NXPH1: variants seen among roughly 807,000 people sequenced by gnomAD.
The protein encoded by NXPH1 is neurexophilin 1.
Under a neutral mutation model 23.7 loss-of-function variants are expected in NXPH1, and 5 were observed. That is an observed-to-expected ratio of 0.21 (90% CI 0.11 to 0.44). The LOEUF (loss-of-function observed/expected upper bound fraction) is 0.44. Ranked by LOEUF, NXPH1 falls within the 20% of genes least tolerant of loss-of-function variation. The pLI is 0.99. For missense variants in NXPH1, 324 were observed against 321.6 expected, an observed-to-expected ratio of 1.01 and a Z score of -0.06; for synonymous variants, 144 against 122.2, an observed-to-expected ratio of 1.18 and a Z score of -1.18.
intron 2 of NXPH1, among the ~76,000 whole-genome samples, chr7:8,730,680 C>T (rs529716443): frequency 1.4e-3 from 216 of 152,336 alleles, no homozygotes; most frequent in African/African-American, 4.6e-3. Context: ...CCACTCTCTT[C>T]TGGCTTGCGG....
At chr7:8,588,337 T>G (rs1387176549) in intron 2 of NXPH1, among the ~76,000 whole-genome samples, 1 of 152,110 alleles carries the variant, frequency 6.6e-6, no homozygotes, top group Non-Finnish European at 1.5e-5. Context: ...TAAATGACAC[T>G]ATGGATGCAA....
intron 2 of NXPH1, among the ~76,000 whole-genome samples, chr7:8,743,353 CA>C (rs1780402400): frequency 1.4e-5 from 2 of 143,236 alleles, no homozygotes; most frequent in African/African-American, 4.9e-5. Context: ...AAGAGATATA[CA>C]AATGTTTGGA....
intron 2 of NXPH1, among the ~76,000 whole-genome samples, chr7:8,583,216 G>A (rs1443315755): frequency 6.6e-6 from 1 of 152,182 alleles, no homozygotes; most frequent in Non-Finnish European, 1.5e-5. Flanking sequence ...TATCTATTAT[G>A]ACTTCCCAAA....
intron 2 of NXPH1, among the ~76,000 whole-genome samples, chr7:8,499,046 G>A (rs577109401): frequency 6.6e-5 from 10 of 152,202 alleles, no homozygotes; most frequent in African/African-American, 2.2e-4. Context: ...TCTACATAGT[G>A]TAAAGCCTCC....
chr7:8,502,750 C>T (rs1449538586), intron 2 of NXPH1, among the ~76,000 whole-genome samples: 1 of 151,376 alleles, frequency 6.6e-6, no homozygotes, highest in African/African-American at 2.4e-5. Flanking sequence ...AATCATGGCT[C>T]ACTAGATGGT....
At chr7:8,608,706 T>C (rs1015938757) in intron 2 of NXPH1, among the ~76,000 whole-genome samples, 1 of 152,044 alleles carries the variant, frequency 6.6e-6, no homozygotes, top group African/African-American at 2.4e-5. Context: ...TAACAGAAAC[T>C]ACCCCACCAA....
At chr7:8,717,894 GTATA>G (rs3059127) in intron 2 of NXPH1, among the ~76,000 whole-genome samples, 2 of 147,142 alleles carry the variant, frequency 1.4e-5, no homozygotes, top group African/African-American at 2.5e-5. Context: ...CTCTCTGTGT[GTATA>G]TATATATATA....
intron 2 of NXPH1, among the ~76,000 whole-genome samples, chr7:8,495,779 A>T (rs1273257690): frequency 6.6e-6 from 1 of 152,052 alleles, no homozygotes. Flanking sequence ...TGTGGGAGAA[A>T]GACTTAGAGG....
chr7:8,696,491 A>G (rs544882679), intron 2 of NXPH1, among the ~76,000 whole-genome samples: 2 of 152,314 alleles, frequency 1.3e-5, no homozygotes, highest in South Asian at 2.1e-4. Flanking sequence ...ATAAACATGG[A>G]CTTTTTCGGA....
chr7:8,671,011 T>G (rs113675017), intron 2 of NXPH1, among the ~76,000 whole-genome samples: 1 of 152,192 alleles, frequency 6.6e-6, no homozygotes, highest in Non-Finnish European at 1.5e-5. Flanking sequence ...CAAGAAATCA[T>G]TCAAAAATTG....
At chr7:8,561,930 A>G (rs1457867144) in intron 2 of NXPH1, among the ~76,000 whole-genome samples, 1 of 151,760 alleles carries the variant, frequency 6.6e-6, no homozygotes, top group Non-Finnish European at 1.5e-5. Flanking sequence ...TAACAACATG[A>G]TGTTTCGATA....
At chr7:8,537,535 A>G (rs1182316387) in intron 2 of NXPH1, among the ~76,000 whole-genome samples, 1 of 151,884 alleles carries the variant, frequency 6.6e-6, no homozygotes, top group Non-Finnish European at 1.5e-5. Flanking sequence ...TATCATCAGA[A>G]CAGCATGGAG....
chr7:8,736,378 T>C (rs6463837), intron 2 of NXPH1, among the ~76,000 whole-genome samples: 79,779 of 152,036 alleles, frequency 0.52, 23,410 homozygotes, highest in African/African-American at 0.8. Context: ...GCCTTCATTT[T>C]GTTATGTACC....
At chr7:8,733,278 T>C (rs1031500079) in intron 2 of NXPH1, among the ~76,000 whole-genome samples, 12 of 152,234 alleles carry the variant, frequency 7.9e-5, no homozygotes, top group East Asian at 3.8e-4. Flanking sequence ...CAGTCTATCA[T>C]TGATGGGCAT....
chr7:8,564,718 A>G (rs968816570), intron 2 of NXPH1, among the ~76,000 whole-genome samples: 13 of 151,844 alleles, frequency 8.6e-5, no homozygotes, highest in African/African-American at 2.9e-4. Flanking sequence ...CCAGAACTCA[A>G]TCCAGGTGAA....
intron 2 of NXPH1, among the ~76,000 whole-genome samples, chr7:8,693,463 A>G (rs887357255): frequency 2.6e-5 from 4 of 152,210 alleles, no homozygotes; most frequent in African/African-American, 9.6e-5. Context: ...ATTTAATGAG[A>G]TGGCTGTATT....
intron 2 of NXPH1, among the ~76,000 whole-genome samples, chr7:8,509,650 C>T (rs957975087): frequency 6.6e-6 from 1 of 152,006 alleles, no homozygotes; most frequent in African/African-American, 2.4e-5. Flanking sequence ...TGTGTTTCAT[C>T]TGAGAGAGGA....
At chr7:8,471,645 C>T (rs1215955167) in intron 2 of NXPH1, among the ~76,000 whole-genome samples, 1 of 152,120 alleles carries the variant, frequency 6.6e-6, no homozygotes, top group African/African-American at 2.4e-5. Flanking sequence ...CTAGAGAAAT[C>T]ACTTTTTACC....
intron 2 of NXPH1, among the ~76,000 whole-genome samples, chr7:8,746,711 C>G (rs1167693242): frequency 6.6e-6 from 1 of 152,066 alleles, no homozygotes; most frequent in Admixed American, 6.6e-5. Context: ...GAGTTCTACC[C>G]TCTTAACAAA....
Sources: allele counts gnomAD v4.1 joint callset (sites outside exome capture counted in the v4.1 genomes callset), GRCh38; gene constraint gnomAD v4.1.1; transcripts MANE v1.5; gene names NCBI Gene and HGNC (gene_info 2026-07-23, HGNC 2026-07-21).